MED12L: variants seen among roughly 807,000 people sequenced by gnomAD.
MED12L encodes the protein mediator of RNA polymerase II transcription subunit 12-like protein.
Under a neutral mutation model 281.3 loss-of-function variants are expected in MED12L, and 60 were observed. That is an observed-to-expected ratio of 0.21 (90% CI 0.17 to 0.26). The LOEUF (loss-of-function observed/expected upper bound fraction) is 0.26, where lower values mean the gene tolerates loss of function less well. MED12L is among the 10% of genes least tolerant of loss of function. MED12L has a pLI of 1.00. For missense variants in MED12L, 2,146 were observed against 2,680.9 expected, an observed-to-expected ratio of 0.80 and a Z score of 4.41; for synonymous variants, 974 against 987.2, an observed-to-expected ratio of 0.99 and a Z score of 0.25.
chr3:151,326,315 A>G (rs1025692948), intron 16 of MED12L: 2 of 152,610 alleles, frequency 1.3e-5, no homozygotes, highest in Non-Finnish European at 2.9e-5. Flanking sequence ...AATGGGCTTT[A>G]TTTTATCAAA....
At chr3:151,337,848 C>T in intron 16 of MED12L, 2 of 1,614,082 alleles carry the variant, frequency 1.2e-6, no homozygotes, top group South Asian at 2.2e-5. Flanking sequence ...TGGGTCACCA[C>T]CATCCTGTTC....
intron 7 of MED12L, among the ~76,000 whole-genome samples, chr3:151,159,043 T>C (rs1004932453): frequency 2.6e-5 from 4 of 152,248 alleles, no homozygotes; most frequent in African/African-American, 9.6e-5. Flanking sequence ...TTACCCACAT[T>C]GATTTCTCCT....
intron 16 of MED12L, among the ~76,000 whole-genome samples, chr3:151,227,947 G>A (rs1234043843): frequency 2.0e-5 from 3 of 152,102 alleles, no homozygotes; most frequent in Non-Finnish European, 4.4e-5. Flanking sequence ...AACCAGCCAC[G>A]TCCCCACACA....
intron 39 of MED12L, among the ~76,000 whole-genome samples, chr3:151,403,505 G>A (rs1019656453): frequency 3.3e-5 from 5 of 152,082 alleles, no homozygotes; most frequent in Non-Finnish European, 7.4e-5. Context: ...AAATCTCAAC[G>A]GAACACATCA....
At position 151,434,698 on chromosome 3, in the gene MED12L, G is replaced by A. The variant is rs1257963604; in HGVS notation, c.*1894G>A. On this transcript the variant is annotated 3_prime_UTR_variant, in exon 45 of 45. Coordinates refer to ENST00000687756, the MANE Select transcript of MED12L (RefSeq NM_001393769.1). ...ATGTTGTGCCTAGTGAGTGAGTCAT[G>A]TTCCATCATTATTTCTTTCCAAATT... The A allele has an allele frequency of 6.6e-6, 1 of 152,178 alleles. No homozygotes were observed. The highest frequency in any genetic ancestry group is 1.5e-5 in the Non-Finnish European group (1 of 68,018). The allele number at this position is 152,178 out of a possible 1,614,324, so 9.4% of individuals were successfully genotyped here.
Position 151,390,083 on chromosome 3 carries a change from G to T in MED12L, c.5556G>T (p.Val1852=), listed in dbSNP as rs1185171146. 1.2e-6 allele frequency: 2 copies of T among 1,614,110 alleles called. No individual in the cohort carries two copies. The highest frequency in any genetic ancestry group is 8.5e-7 in the Non-Finnish European group (1 of 1,179,982). ...PQSTLWGYNL[V]GQPQQPGFFL... ...CCACCTTGTGGGGTTACAACCTCGT[G>T]GGCCAGCCCCAGCAGCCCGGCTTTT... Residue 1852 remains valine (V), a synonymous_variant, in exon 38 of 45, where the codon GTG becomes GTT. Transcript: ENST00000687756.
intron 5 of MED12L, among the ~76,000 whole-genome samples, chr3:151,135,585 G>A (rs1389372074): frequency 6.6e-6 from 1 of 152,186 alleles, no homozygotes; most frequent in Non-Finnish European, 1.5e-5. Flanking sequence ...TGGCCTAGAT[G>A]GAGTTGGATC....
chr3:151,371,153 C>T (rs1756135919), intron 26 of MED12L, among the ~76,000 whole-genome samples: 1 of 152,048 alleles, frequency 6.6e-6, no homozygotes, highest in Non-Finnish European at 1.5e-5. Flanking sequence ...TTTTCTTTTC[C>T]TTTCTTCTCT....
rs1378168248 is a variant in MED12L at position 151,377,091 on chromosome 3, A to C, written c.4229A>C (p.Asn1410Thr). 1 of 1,613,970 alleles carries C rather than the reference A, an allele frequency of 6.2e-7. No individual in the cohort carries two copies. Among genetic ancestry groups the C allele is most frequent in the East Asian group, 2.2e-5 (1 of 44,882 alleles). ...TCTGCAGACCTAAATAATTCTTCTA[A>C]TTCTGGCATGAGCCTCTTCAACCCA... ...QQSADLNNSSNSGMSLFNPNS... is the reference protein window; with the variant it reads ...QQSADLNNSSTSGMSLFNPNS... The change falls in exon 30 of 45, where the codon AAT becomes ACT. Residue 1410 changes from asparagine (N) to threonine (T), a missense_variant. By Grantham distance (65) the Asn-to-Thr change is moderately conservative. Around this residue, in one of 9 missense-constraint regions of MED12L, gnomAD observed 235 missense variants for 260.3 expected, o/e 0.90. Coordinates refer to ENST00000687756, the MANE Select transcript of MED12L (RefSeq NM_001393769.1).
At chr3:151,284,595 T>G (rs1438535369) in intron 16 of MED12L, among the ~76,000 whole-genome samples, 1 of 152,160 alleles carries the variant, frequency 6.6e-6, no homozygotes, top group East Asian at 1.9e-4. Context: ...ATTTTTTATG[T>G]ATGTTTGTTT....
chr3:151,272,681 G>T (rs888093954), intron 16 of MED12L, among the ~76,000 whole-genome samples: 1 of 152,204 alleles, frequency 6.6e-6, no homozygotes. Flanking sequence ...GTGGGTAGAG[G>T]TTGACAGATG....
intron 2 of MED12L, among the ~76,000 whole-genome samples, chr3:151,104,092 G>T: frequency 6.6e-6 from 1 of 152,146 alleles, no homozygotes; most frequent in East Asian, 1.9e-4. Flanking sequence ...TTTTGGTTTT[G>T]TTGGTCCCCA....
intron 43 of MED12L, among the ~76,000 whole-genome samples, chr3:151,420,005 A>G (rs1005139437): frequency 6.6e-6 from 1 of 152,082 alleles, no homozygotes; most frequent in Non-Finnish European, 1.5e-5. Context: ...TCTGCTACCC[A>G]TTCTGTATTC....
intron 2 of MED12L, among the ~76,000 whole-genome samples, chr3:151,110,783 T>G (rs1711756402): frequency 6.6e-6 from 1 of 152,174 alleles, no homozygotes; most frequent in Admixed American, 6.5e-5. Flanking sequence ...TGTGTAGCTT[T>G]GCATTTGTGC....
At chr3:151,371,628 G>A (rs1756198852) in intron 26 of MED12L, among the ~76,000 whole-genome samples, 1 of 151,912 alleles carries the variant, frequency 6.6e-6, no homozygotes, top group Admixed American at 6.6e-5. Flanking sequence ...CCATTAACTT[G>A]GGCATTGTTT....
At chr3:151,306,340 T>C (rs1746647952) in intron 16 of MED12L, among the ~76,000 whole-genome samples, 1 of 152,208 alleles carries the variant, frequency 6.6e-6, no homozygotes, top group Non-Finnish European at 1.5e-5. Context: ...AATGTGTTAA[T>C]AGTCACAGTG....
chr3:151,305,101 G>C (rs747211907), intron 16 of MED12L, among the ~76,000 whole-genome samples: 2 of 152,198 alleles, frequency 1.3e-5, no homozygotes, highest in Non-Finnish European at 2.9e-5. Context: ...CTCAGCTTCA[G>C]CGCTCCCTGT....
chr3:151,393,350 AT>A (rs1407667604), intron 38 of MED12L, among the ~76,000 whole-genome samples: 32 of 152,322 alleles, frequency 2.1e-4, no homozygotes, highest in African/African-American at 7.5e-4. Context: ...TACATTTTAC[AT>A]ATGAAAGAAG....
At chr3:151,331,338 C>T (rs1236310534) in intron 16 of MED12L, among the ~76,000 whole-genome samples, 3 of 152,174 alleles carry the variant, frequency 2.0e-5, no homozygotes, top group African/African-American at 7.2e-5. Flanking sequence ...AATGTTTAGG[C>T]GCCAGAGTGC....
Sources: gnomAD v4.1 joint callset for allele counts (sites outside exome capture counted in the v4.1 genomes callset) on GRCh38, gnomAD v4.1.1 for gene constraint, gnomAD v4.1.1 regional missense constraint, MANE v1.5 for transcripts, NCBI Gene and HGNC (gene_info 2026-07-23, HGNC 2026-07-21) for gene names.